TTN: variants seen among roughly 807,000 people sequenced by gnomAD.
TTN encodes the protein titin, also known as connectin.
Under a neutral mutation model 3,223.0 loss-of-function variants are expected in TTN, and 1,525 were observed. That is an observed-to-expected ratio of 0.47 (90% CI 0.45 to 0.49). The LOEUF (loss-of-function observed/expected upper bound fraction) is 0.49, where lower values mean the gene tolerates loss of function less well. Among genes scored for constraint, TTN ranks in the 20% least tolerant of loss-of-function variants. The probability of loss-of-function intolerance (pLI) is 0.00; values close to 1 mark genes in which losing one functional copy is unlikely to be tolerated. For missense variants in TTN, 40,786 were observed against 43,424.0 expected, an observed-to-expected ratio of 0.94 and a Z score of 5.40; for synonymous variants, 14,094 against 15,161.0, an observed-to-expected ratio of 0.93 and a Z score of 5.17.
intron 350 of TTN, among the ~76,000 whole-genome samples, 182 bp from the exon 351 acceptor site, chr2:178,540,552 G>A (rs750682534): frequency 1.3e-5 from 2 of 152,112 alleles, no homozygotes; most frequent in Non-Finnish European, 2.9e-5. Flanking sequence ...CAGCAAGTTG[G>A]GAGGCCAAGG....
chr2:178,651,211 C>G lies in TTN; in HGVS notation c.39625+32G>C, dbSNP rs746553630. Reference sequence around the variant, plus strand: ...GTGACTTATTAGACAAGGGTGAGTGCTTTTCTGCAGAATCTCATTAGTGAC... The same window carrying G: ...GTGACTTATTAGACAAGGGTGAGTGGTTTTCTGCAGAATCTCATTAGTGAC... On this transcript the variant is annotated intron_variant, in intron 208 of 362. Transcript: ENST00000589042. 7.6e-6 allele frequency: 12 copies of G among 1,583,744 alleles called. No individual in the cohort carries two copies. In the South Asian group the frequency reaches 1.4e-4, roughly 18 times the overall value.
At position 178,667,229 on chromosome 2, in the gene TTN, A is replaced by G; in HGVS notation, c.35797+7T>C. On this transcript the variant is annotated splice_region_variant and intron_variant, in intron 162 of 362. Transcript: ENST00000589042. ...TTCTTTAGATTTTCCTAACTAGAGA[A>G]TTATACCTTCAGTTGGAGGATGTTC... is the stretch of plus-strand genomic sequence containing the variant. 6.3e-7 allele frequency: 1 copy of G among 1,590,234 alleles called. No individual in the cohort carries two copies. The highest frequency in any genetic ancestry group is 2.3e-5 in the East Asian group (1 of 44,216).
In TTN at chr2:178,706,397, C is replaced by A. The variant is rs889395486; in HGVS notation, c.29420+57G>T. 8 of 1,504,392 alleles carry A rather than the reference C, an allele frequency of 5.3e-6. No homozygotes were observed. In the African/African-American group the frequency reaches 5.6e-5, roughly 11 times the overall value. The allele number at this position is 1,504,392 out of a possible 1,614,324, so 93.2% of individuals were successfully genotyped here. The stretch of plus-strand genomic sequence containing the variant: ...CACTGGGGCTGGTTGACTGTGGATG[C>A]GGAACCCACTTATATGGAGGGCTGA... On this transcript the variant is annotated intron_variant, in intron 102 of 362. Transcript: ENST00000589042.
At chr2:178,766,867 T>C (rs976537307) in intron 40 of TTN, among the ~76,000 whole-genome samples, 1 of 152,166 alleles carries the variant, frequency 6.6e-6, no homozygotes, top group African/African-American at 2.4e-5. Flanking sequence ...AAAGAGACAA[T>C]TATTTCATCC....
chr2:178,711,422 A>T, intron 96 of TTN, 73 bp from the exon 97 acceptor site: 1 of 1,374,214 alleles, frequency 7.3e-7, no homozygotes. Context: ...ATATATACAA[A>T]CGCACGTATA....
Position 178,706,319 on chromosome 2 carries a change from TTATGCTG to T in TTN, c.29420+128_29420+134del, listed in dbSNP as rs2075858465. On this transcript the variant is annotated intron_variant, in intron 102 of 362. Coordinates refer to ENST00000589042, the MANE Select transcript of TTN (RefSeq NM_001267550.2). ...AATGTAAGTGCTGTGTAAATGGTTG[TTATGCTG>T]TATTGTTTATTTGTATTTTTAAATT... 2.1e-5 allele frequency: 19 copies of T among 897,068 alleles called. No homozygotes were observed. In the South Asian group the frequency reaches 3.0e-4, roughly 14 times the overall value. 55.6% of individuals were successfully genotyped at this position (897,068 alleles called of 1,614,324 possible). A position where few individuals can be genotyped will look rare whatever the true frequency, so the allele number is the denominator to read the frequency against.
chr2:178,554,695 A>G lies in TTN; in HGVS notation c.88652T>C (p.Ile29551Thr). 4 of 1,613,946 alleles carry G rather than the reference A, an allele frequency of 2.5e-6. No individual in the cohort carries two copies. Among genetic ancestry groups the G allele is most frequent in the Non-Finnish European group, 3.4e-6 (4 of 1,179,846 alleles). ...IEFKTVTAEK[I>T]TLLWRPPADD... is the part of the protein sequence containing the mutation. The stretch of plus-strand genomic sequence containing the variant: ...AGCTGGAGGCCGCCAGAGAAGGGTG[A>G]TCTTCTCAGCAGTTACAGTCTTAAA... The change falls in exon 332 of 363, where the codon ATC (isoleucine) becomes ACC (threonine). Residue 29551 changes from isoleucine (I) to threonine (T), a missense_variant. By Grantham distance (89) the Ile-to-Thr change is moderately conservative (BLOSUM62 -1). Coordinates refer to ENST00000589042, the MANE Select transcript of TTN (RefSeq NM_001267550.2).
At chr2:178,582,696 T>C (rs2048057306) in intron 313 of TTN, 104 bp from the exon 314 acceptor site, 1 of 1,207,126 alleles carries the variant, frequency 8.3e-7, no homozygotes, top group East Asian at 2.5e-5. Context: ...ATTTCCTATA[T>C]GACCTAGGAG....
At position 178,629,324 on chromosome 2, in the gene TTN, T is replaced by C. The variant is rs1313794493; in HGVS notation, c.44401A>G (p.Lys14801Glu). ...DIPVEWYLKG[K>E]KLEPSDKVVP... ...ACCTTATCGCTGGGCTCTAGTTTCT[T>C]CCCTTTGAGATACCATTCCACTGGG... is the stretch of plus-strand genomic sequence containing the variant. Residue 14801 changes from lysine to glutamate, a missense_variant, in exon 240 of 363, where the codon AAG becomes GAG. Coordinates refer to ENST00000589042, the MANE Select transcript of TTN (RefSeq NM_001267550.2). 1 of 1,612,646 alleles carries C rather than the reference T, an allele frequency of 6.2e-7. No individual in the cohort carries two copies. Among genetic ancestry groups the C allele is most frequent in the African/African-American group, 1.3e-5 (1 of 74,864 alleles).
rs56018860 is a variant in TTN at position 178,568,494 on chromosome 2, T to C, written c.77638A>G (p.Thr25880Ala). The C allele has an allele frequency of 0.023, 36,915 of 1,613,398 alleles. 526 individuals are homozygous for C. The highest frequency in any genetic ancestry group is 0.063 in the East Asian group (2,831 of 44,776). The change falls in exon 326 of 363, where the codon ACA becomes GCA. Residue 25880 changes from threonine (T) to alanine (A), a missense_variant. Coordinates refer to ENST00000589042, the MANE Select transcript of TTN (RefSeq NM_001267550.2). Reference protein sequence around the residue: ...ITVANVVGQKTASIEIVTLDK... With the variant: ...ITVANVVGQKAASIEIVTLDK... The stretch of plus-strand genomic sequence containing the variant: ...AGAGTTACAATTTCGATGGATGCTG[T>C]CTTCTGACCAACAACATTGGCAACT...
chr2:178,566,188 T>G lies in TTN; in HGVS notation c.79944A>C (p.Leu26648=), dbSNP rs72648209. 2.5e-6 allele frequency: 4 copies of G among 1,613,722 alleles called. No individual in the cohort carries two copies. Among genetic ancestry groups the G allele is most frequent in the Non-Finnish European group, 3.4e-6 (4 of 1,179,702 alleles). Residue 26648 remains leucine (L), a synonymous_variant, in exon 326 of 363, where the codon CTA becomes CTC. Transcript: ENST00000589042. ...CATTTCTATCACAGTTATCTATTGA[T>G]AGTTGGGTATAGTTTACTCCCTTTT... The part of the protein sequence containing the change: ...QIEKGVNYTQ[L]SIDNCDRNDA...
At chr2:178,712,652 A>G (rs571569272) in intron 94 of TTN, 45 bp downstream of exon 94, 14 of 1,606,602 alleles carry the variant, frequency 8.7e-6, no homozygotes, top group African/African-American at 1.3e-5. Flanking sequence ...ACAAAGACAC[A>G]TCTAATTACT....
rs957184446 is a variant in TTN, at chr2:178,526,508, C to T, written c.*504G>A. On this transcript the variant is annotated 3_prime_UTR_variant, in exon 363 of 363. Coordinates refer to ENST00000589042, the MANE Select transcript of TTN (RefSeq NM_001267550.2). ...TTGCTTACAGGAGGGTAAATGCAAA[C>T]ATCACCAATGCCTTACATTTCTGAT... 2 of 152,704 alleles carry T rather than the reference C, an allele frequency of 1.3e-5. No homozygotes were observed. The highest frequency in any genetic ancestry group is 2.9e-5 in the Non-Finnish European group (2 of 68,192). The allele number at this position is 152,704 out of a possible 1,614,324, so 9.5% of individuals were successfully genotyped here. A position where few individuals can be genotyped will look rare whatever the true frequency, so the allele number is the denominator to read the frequency against.
At position 178,715,128 on chromosome 2, in the gene TTN, G is replaced by C; in HGVS notation, c.26058C>G (p.Gly8686=). Residue 8686 remains glycine, a synonymous_variant, in exon 90 of 363, where the codon GGC becomes GGG. Coordinates refer to ENST00000589042, the MANE Select transcript of TTN (RefSeq NM_001267550.2). ...WYKDKRELRS[G]KKYKIMSENF... is the part of the protein sequence containing the mutation. ...TCTCAGACATTATCTTGTACTTCTT[G>C]CCGCTCCTAAGTTCTCTCTTGTCTT... 1 of 1,613,726 alleles carries C rather than the reference G, an allele frequency of 6.2e-7. No homozygotes were observed. Among genetic ancestry groups the C allele is most frequent in the African/African-American group, 1.3e-5 (1 of 75,018 alleles).
At chr2:178,595,908 G>T in intron 294 of TTN, 99 bp from the exon 295 acceptor site, 1 of 1,221,956 alleles carries the variant, frequency 8.2e-7, no homozygotes, top group Non-Finnish European at 1.1e-6. Context: ...TTGTTTTGAA[G>T]AAAGTAAGGT....
chr2:178,733,985 C>T (rs573279195), intron 52 of TTN, 93 bp from the exon 53 acceptor site: 2 of 1,248,590 alleles, frequency 1.6e-6, no homozygotes, highest in African/African-American at 3.0e-5. Context: ...TTATATTTAT[C>T]TTGTCCCAAT....
chr2:178,566,103 T>A lies in TTN; in HGVS notation c.80029A>T (p.Thr26677Ser), dbSNP rs2154165331. ...NSSGSKSAFV[T>S]VKVLDTPGPP... ...CCTGGAGTGTCAAGAACTTTCACAG[T>A]TACAAAAGCAGACTTTGATCCACTG... The change falls in exon 326 of 363, where the codon ACT (threonine) becomes TCT (serine). Residue 26677 changes from threonine to serine, a missense_variant. Coordinates refer to ENST00000589042, the MANE Select transcript of TTN (RefSeq NM_001267550.2). 1 of 1,613,660 alleles carries A rather than the reference T, an allele frequency of 6.2e-7. No individual in the cohort carries two copies. Among genetic ancestry groups the A allele is most frequent in the Non-Finnish European group, 8.5e-7 (1 of 1,179,670 alleles).
rs986947428 is a variant in TTN at position 178,635,030 on chromosome 2, C to A, written c.42024+135G>T. The A allele has an allele frequency of 4.0e-5, 57 of 1,410,378 alleles. No individual in the cohort carries two copies. In the African/African-American group the frequency reaches 7.5e-4, roughly 19 times the overall value. 87.4% of individuals were successfully genotyped at this position (1,410,378 alleles called of 1,614,324 possible). A position where few individuals can be genotyped will look rare whatever the true frequency, so the allele number is the denominator to read the frequency against. ...TGTCCCCAAATGATACGTAAAATTT[C>A]TTTCCTTCTTGGAGACTTTAGAAGA... On this transcript the variant is annotated intron_variant, in intron 228 of 362. Transcript: ENST00000589042.
In TTN at chr2:178,664,945, T is replaced by C. The variant is rs1429180982; in HGVS notation, c.36044-19A>G. 6.3e-7 allele frequency: 1 copy of C among 1,595,130 alleles called. No homozygotes were observed. Among genetic ancestry groups the C allele is most frequent in the Non-Finnish European group, 8.5e-7 (1 of 1,170,946 alleles). On this transcript the variant is annotated intron_variant, in intron 165 of 362. Coordinates refer to ENST00000589042, the MANE Select transcript of TTN (RefSeq NM_001267550.2). ...TCGGGCGCTTGAAAGATATTAGCAA[T>C]TCACATTTAAGAGTTAAAATGATTA...
Sources: allele counts gnomAD v4.1 joint callset (sites outside exome capture counted in the v4.1 genomes callset), GRCh38; gene constraint gnomAD v4.1.1; transcripts MANE v1.5; gene names NCBI Gene and HGNC (gene_info 2026-07-23, HGNC 2026-07-21).